Variants in EIF2B3 observed in about 807,000 individuals in gnomAD.
EIF2B3 encodes eukaryotic translation initiation factor 2B subunit gamma.
Under a neutral mutation model 54.1 loss-of-function variants are expected in EIF2B3, and 20 were observed. The observed-to-expected ratio is 0.37, with a 90% CI of 0.26 to 0.54. The LOEUF (loss-of-function observed/expected upper bound fraction) is 0.54, where lower values mean the gene tolerates loss of function less well. Among genes scored for constraint, EIF2B3 ranks in the 20% least tolerant of loss-of-function variants. The probability of loss-of-function intolerance (pLI) is 0.86; values close to 1 mark genes in which losing one functional copy is unlikely to be tolerated. For missense variants in EIF2B3, 448 were observed against 547.8 expected, an observed-to-expected ratio of 0.82 and a Z score of 1.82; for synonymous variants, 153 against 188.1, an observed-to-expected ratio of 0.81 and a Z score of 1.52.
At chr1:44,906,826 C>T (rs1643421557) in intron 5 of EIF2B3, among the ~76,000 whole-genome samples, 1 of 152,192 alleles carries the variant, frequency 6.6e-6, no homozygotes, top group African/African-American at 2.4e-5. Context: ...TATATTAATG[C>T]TTACAAATTT....
At position 44,862,240 on chromosome 1, in the gene EIF2B3, T is replaced by C. The variant is rs551447289; in HGVS notation, c.1203-4433A>G. 3.9e-5 allele frequency among the ~76,000 whole-genome samples: 6 copies of C among 152,364 alleles called. No individual in the cohort carries two copies. The South Asian group carries it at 1.2e-3, about 32-fold the overall frequency. On this transcript the variant is annotated intron_variant, in intron 10 of 11. Coordinates refer to ENST00000360403, the MANE Select transcript of EIF2B3 (RefSeq NM_020365.5). ...GCACTCCGCTGTGCTAATGTCTAGC[T>C]GTGTTCTCTAAGACGCTGCTCAGTG...
intron 3 of EIF2B3, chr1:44,972,388 A>C (rs1644409735): frequency 6.6e-6 from 1 of 152,168 alleles, no homozygotes; most frequent in Non-Finnish European, 1.5e-5. Context: ...GGATCACCTG[A>C]GATCGGGAGT....
intron 5 of EIF2B3, chr1:44,924,933 A>T (rs1643822900): frequency 6.6e-6 from 1 of 151,898 alleles, no homozygotes; most frequent in Admixed American, 6.6e-5. Flanking sequence ...GATTCTTTTG[A>T]GCTTACTCAT....
intron 3 of EIF2B3, among the ~76,000 whole-genome samples, chr1:44,959,565 G>T (rs191916819): frequency 6.6e-6 from 1 of 152,186 alleles, no homozygotes; most frequent in East Asian, 1.9e-4. Context: ...AGATAATTTA[G>T]CTAACTTTAC....
intron 6 of EIF2B3, among the ~76,000 whole-genome samples, chr1:44,893,988 T>C (rs1655885989): frequency 6.6e-6 from 1 of 152,168 alleles, no homozygotes; most frequent in Admixed American, 6.5e-5. Flanking sequence ...GAGTCCTTCA[T>C]AGGGCCAGTG....
chr1:44,907,757 G>A lies in EIF2B3; in HGVS notation c.567-10313C>T, dbSNP rs548305513. Among the ~76,000 whole-genome samples the A allele has an allele frequency of 4.6e-5, 7 of 151,540 alleles. No individual in the cohort carries two copies. In the South Asian group the frequency reaches 6.3e-4, roughly 14 times the overall value. Reference sequence around the variant, plus strand: ...CTCTATTAAAAATACAAAATTAGCCGGGCATGGTGGTGCATGCCAGCTACT... The same window carrying A: ...CTCTATTAAAAATACAAAATTAGCCAGGCATGGTGGTGCATGCCAGCTACT... On this transcript the variant is annotated intron_variant, in intron 5 of 11. Transcript: ENST00000360403.
chr1:44,943,293 G>T (rs1644057962), intron 3 of EIF2B3, among the ~76,000 whole-genome samples: 1 of 151,750 alleles, frequency 6.6e-6, no homozygotes, highest in South Asian at 2.1e-4. Flanking sequence ...CCAAAGTGCT[G>T]AGATTACAGG....
intron 3 of EIF2B3, among the ~76,000 whole-genome samples, chr1:44,953,282 C>T (rs552468625): frequency 6.6e-6 from 1 of 151,712 alleles, no homozygotes; most frequent in Admixed American, 6.6e-5. Context: ...AAAGAACCAG[C>T]CTCACTCTGG....
chr1:44,887,371 G>C (rs1655626537), intron 6 of EIF2B3, among the ~76,000 whole-genome samples: 1 of 152,156 alleles, frequency 6.6e-6, no homozygotes, highest in Non-Finnish European at 1.5e-5. Flanking sequence ...GCTTAGGTAG[G>C]AAAAATCATT....
chr1:44,918,335 G>C (rs1643669948), intron 5 of EIF2B3, among the ~76,000 whole-genome samples: 1 of 151,600 alleles, frequency 6.6e-6, no homozygotes, highest in African/African-American at 2.4e-5. Flanking sequence ...GGCCGTCTTG[G>C]CCTCCCAAAG....
intron 6 of EIF2B3, among the ~76,000 whole-genome samples, chr1:44,892,968 C>A (rs1655851193): frequency 2.0e-5 from 3 of 152,242 alleles, no homozygotes; most frequent in Non-Finnish European, 4.4e-5. Context: ...CCTCTCACAG[C>A]ACTATCTGGT....
intron 2 of EIF2B3, among the ~76,000 whole-genome samples, 199 bp from the exon 3 acceptor site, chr1:44,978,659 C>G (rs551444402): frequency 9.5e-6 from 1 of 105,654 alleles, no homozygotes; most frequent in South Asian, 3.2e-4. Context: ...TTTTTACAGA[C>G]AGGGTCTCAC....
At chr1:44,922,342 T>C (rs1643765236) in intron 5 of EIF2B3, among the ~76,000 whole-genome samples, 2 of 151,484 alleles carry the variant, frequency 1.3e-5, no homozygotes, top group African/African-American at 2.4e-5. Flanking sequence ...ATCTCAGCAC[T>C]TTGGGAGGCC....
chr1:44,880,410 C>T (rs1180701104), intron 7 of EIF2B3, among the ~76,000 whole-genome samples: 2 of 152,086 alleles, frequency 1.3e-5, no homozygotes, highest in South Asian at 2.1e-4. Context: ...TAATCAAGAC[C>T]ACTAGGGAAA....
intron 2 of EIF2B3, among the ~76,000 whole-genome samples, chr1:44,979,805 A>C (rs1167070519): frequency 1.3e-5 from 2 of 152,084 alleles, no homozygotes; most frequent in Non-Finnish European, 2.9e-5. Flanking sequence ...CTCTATTAAA[A>C]ATACAAAAAA....
At chr1:44,875,761 C>T in intron 8 of EIF2B3, 66 bp from the exon 9 acceptor site, 2 of 1,248,650 alleles carry the variant, frequency 1.6e-6, no homozygotes, top group Non-Finnish European at 2.3e-6. Context: ...CTCTCCCTCT[C>T]CCTCTACCTC....
intron 5 of EIF2B3, 25 bp downstream of exon 5, chr1:44,926,603 C>T: frequency 6.3e-7 from 1 of 1,593,304 alleles, no homozygotes; most frequent in Non-Finnish European, 8.6e-7. Flanking sequence ...GGAGAATTGC[C>T]AGAAGAAAAA....
At position 44,895,528 on chromosome 1, in the gene EIF2B3, CTA is replaced by C. The variant is rs962144621; in HGVS notation, c.656+1825_656+1826del. Among the ~76,000 whole-genome samples the C allele has an allele frequency of 3.5e-3, 521 of 149,272 alleles. 1 individual carries two copies. Among genetic ancestry groups the C allele is most frequent in the Middle Eastern group, 0.011 (3 of 282 alleles). Reference sequence around the variant, plus strand: ...AAAAAAAGCCTCTCTCTCTCTCTCTCTATATATATATATGTACATATACATAA... The same window carrying C: ...AAAAAAAGCCTCTCTCTCTCTCTCTCTATATATATATGTACATATACATAA... On this transcript the variant is annotated intron_variant, in intron 6 of 11. Transcript: ENST00000360403.
intron 11 of EIF2B3, among the ~76,000 whole-genome samples, chr1:44,854,514 G>A (rs945991652): frequency 6.6e-6 from 1 of 151,666 alleles, no homozygotes; most frequent in Non-Finnish European, 1.5e-5. Context: ...TACTTTTGGG[G>A]AAAAAGACTG....
Sources: gnomAD v4.1 joint callset for allele counts (sites outside exome capture counted in the v4.1 genomes callset) on GRCh38, gnomAD v4.1.1 for gene constraint, MANE v1.5 for transcripts, NCBI Gene and HGNC (gene_info 2026-07-23, HGNC 2026-07-21) for gene names.